AGAP1: variants seen among roughly 807,000 people sequenced by gnomAD.
AGAP1 encodes the protein arf-GAP with GTPase, ANK repeat and PH domain-containing protein 1.
A neutral mutation model predicts 105.3 loss-of-function variants in AGAP1; 29 were observed. That is an observed-to-expected ratio of 0.28 (90% CI 0.21 to 0.38). AGAP1 has a LOEUF of 0.38. Ranked by LOEUF, AGAP1 falls within the 10% of genes least tolerant of loss-of-function variation. The probability of loss-of-function intolerance (pLI) is 1.00; values close to 1 mark genes in which losing one functional copy is unlikely to be tolerated. For synonymous variants in AGAP1, 509 were observed against 485.9 expected (o/e 1.05, Z -0.63); for missense variants, 998 against 1,165.1 (o/e 0.86, Z 2.09).
rs954210067 is a variant in AGAP1, at chr2:236,120,301, G to A, written c.2224G>A (p.Asp742Asn). 1.7e-5 allele frequency: 28 copies of A among 1,612,794 alleles called. No homozygotes were observed. Among genetic ancestry groups the A allele is most frequent in the African/African-American group, 9.3e-5 (7 of 74,898 alleles). The change falls in exon 17 of 18, where the codon GAC becomes AAC. Residue 742 changes from aspartate (D) to asparagine (N), a missense_variant. Asp to Asn is a conservative substitution (Grantham distance 23). Around this residue, in one of 3 missense-constraint regions of AGAP1, gnomAD observed 235 missense variants for 270.7 expected, o/e 0.87. Transcript: ENST00000304032. This position sits in a 1 kb window ranked among gnomAD's most constrained non-coding sequence, Gnocchi z 6.0. ...LGQHLLRATA[D>N]EDLRTAILLL... ...CCAGCACCTGCTGCGGGCCACCGCC[G>A]ACGAGGACCTGCGGACGGCCATCCT... is the stretch of plus-strand genomic sequence containing the variant.
chr2:236,103,805 G>T (rs2059418292), intron 16 of AGAP1, among the ~76,000 whole-genome samples: 1 of 152,080 alleles, frequency 6.6e-6, no homozygotes, highest in African/African-American at 2.4e-5. Flanking sequence ...CTGACCTCGT[G>T]GTCTGCCAAC....
At chr2:235,497,318 G>C (rs1226569286) in intron 1 of AGAP1, among the ~76,000 whole-genome samples, 1 of 152,200 alleles carries the variant, frequency 6.6e-6, no homozygotes, top group Non-Finnish European at 1.5e-5. Context: ...AACTAAGCCT[G>C]CGCTGGAACA....
chr2:235,532,997 A>G (rs1287983112), intron 1 of AGAP1, among the ~76,000 whole-genome samples: 1 of 151,522 alleles, frequency 6.6e-6, no homozygotes, highest in Non-Finnish European at 1.5e-5. Flanking sequence ...GTTTGAAGGG[A>G]AAAAAAAATC....
intron 11 of AGAP1, among the ~76,000 whole-genome samples, chr2:235,915,954 T>C (rs1189748022): frequency 2.0e-5 from 3 of 151,974 alleles, no homozygotes; most frequent in Non-Finnish European, 4.4e-5. Flanking sequence ...AGAAGAGAAA[T>C]CTGACTGTAG....
intron 9 of AGAP1, among the ~76,000 whole-genome samples, chr2:235,856,340 G>T (rs1385169434): frequency 6.6e-6 from 1 of 152,146 alleles, no homozygotes. Flanking sequence ...AATGTGATTC[G>T]CTTGGTGTCA....
At chr2:235,532,408 G>A (rs557326008) in intron 1 of AGAP1, among the ~76,000 whole-genome samples, 1 of 152,150 alleles carries the variant, frequency 6.6e-6, no homozygotes, top group Non-Finnish European at 1.5e-5. Context: ...TAGAGATGGG[G>A]TTTCACCCAG....
chr2:236,016,223 A>G (rs1483895220), intron 13 of AGAP1, among the ~76,000 whole-genome samples: 2 of 152,148 alleles, frequency 1.3e-5, no homozygotes, highest in Non-Finnish European at 2.9e-5. Flanking sequence ...CAAATGAAAG[A>G]GGGAAAAGAA....
intron 9 of AGAP1, among the ~76,000 whole-genome samples, chr2:235,808,005 C>T (rs185074727): frequency 1.3e-5 from 2 of 151,800 alleles, no homozygotes; most frequent in Non-Finnish European, 2.9e-5. Context: ...TTTCATTAGC[C>T]CAGAAACCAG....
At position 235,615,892 on chromosome 2, in the gene AGAP1, A is replaced by G. The variant is rs1946291097; in HGVS notation, c.164-93287A>G. 6.6e-6 allele frequency among the ~76,000 whole-genome samples: 1 copy of G among 152,318 alleles called. No individual in the cohort carries two copies. The highest frequency in any genetic ancestry group is 1.5e-5 in the Non-Finnish European group (1 of 68,040). ...TAGCAAAATTAAAAGACCAACAAAA[A>G]TATGTATTACATATAGAGCATTGTC... On this transcript the variant is annotated intron_variant, in intron 1 of 17. Coordinates refer to ENST00000304032, the MANE Select transcript of AGAP1 (RefSeq NM_001037131.3). This position sits in a 1 kb window ranked among gnomAD's most constrained non-coding sequence, Gnocchi z 5.0.
chr2:235,757,482 G>A (rs1393774168), intron 6 of AGAP1, among the ~76,000 whole-genome samples: 2 of 152,200 alleles, frequency 1.3e-5, no homozygotes, highest in African/African-American at 2.4e-5. Flanking sequence ...GTGGATGGGT[G>A]TTTATCTGGT....
chr2:236,120,372 G>A lies in AGAP1; in HGVS notation c.2295G>A (p.Gly765=), dbSNP rs1270963988. The part of the protein sequence containing the change: ...GSRDEVNETC[G]EGDGRTALHL... ...GGGACGAGGTGAACGAGACCTGCGG[G>A]GAGGGAGACGGCCGCACGGCGCTGC... The change falls in exon 17 of 18, where the codon GGG becomes GGA. Residue 765 remains glycine, a synonymous_variant. Transcript: ENST00000304032. This position sits in a 1 kb window ranked among gnomAD's most constrained non-coding sequence, Gnocchi z 6.0. The A allele has an allele frequency of 6.2e-7, 1 of 1,611,512 alleles. No homozygotes were observed. The highest frequency in any genetic ancestry group is 8.5e-7 in the Non-Finnish European group (1 of 1,179,778).
chr2:235,746,264 A>T lies in AGAP1; in HGVS notation c.538+1425A>T, dbSNP rs1466368857. Among the ~76,000 whole-genome samples, 4 of 150,996 alleles carry T rather than the reference A, an allele frequency of 2.6e-5. No homozygotes were observed. In the East Asian group the frequency reaches 5.9e-4, roughly 22 times the overall value. ...TCGTGCCACTGCACTCCAGCCTGGTAGACAGAGGGAGACTCCATCTCAAGG... is the reference window on the plus strand; with the variant it reads ...TCGTGCCACTGCACTCCAGCCTGGTTGACAGAGGGAGACTCCATCTCAAGG... On this transcript the variant is annotated intron_variant, in intron 5 of 17. Coordinates refer to ENST00000304032, the MANE Select transcript of AGAP1 (RefSeq NM_001037131.3).
Position 235,551,310 on chromosome 2 carries a change from G to A in AGAP1, c.163+56461G>A, listed in dbSNP as rs1304600005. Among the ~76,000 whole-genome samples, 1 of 149,744 alleles carries A rather than the reference G, an allele frequency of 6.7e-6. No individual in the cohort carries two copies. The highest frequency in any genetic ancestry group is 1.5e-5 in the Non-Finnish European group (1 of 67,946). ...AGGGTGAGGAGAGAGGGGCTAGACA[G>A]ATTTTTTTTTTTGAGACAAGGTCTC... On this transcript the variant is annotated intron_variant, in intron 1 of 17. Coordinates refer to ENST00000304032, the MANE Select transcript of AGAP1 (RefSeq NM_001037131.3). This position sits in a 1 kb window ranked among gnomAD's most constrained non-coding sequence, Gnocchi z 4.8.
chr2:235,880,989 G>A (rs570106908), intron 9 of AGAP1, among the ~76,000 whole-genome samples: 1 of 152,242 alleles, frequency 6.6e-6, no homozygotes, highest in Non-Finnish European at 1.5e-5. Context: ...TCCATATTTG[G>A]TGTATAGCGA....
rs185843228 is a variant in AGAP1 at position 235,603,025 on chromosome 2, A to T, written c.164-106154A>T. 2.2e-3 allele frequency among the ~76,000 whole-genome samples: 334 copies of T among 152,210 alleles called. 1 individual carries two copies. Among genetic ancestry groups the T allele is most frequent in the African/African-American group, 7.8e-3 (322 of 41,536 alleles). On this transcript the variant is annotated intron_variant, in intron 1 of 17. Coordinates refer to ENST00000304032, the MANE Select transcript of AGAP1 (RefSeq NM_001037131.3). ...CCCATCGGACACACTTCTTACTGAT[A>T]TGGTTTGGCTGTGTCCCCACCCAAA...
chr2:235,729,003 G>A lies in AGAP1; in HGVS notation c.310+11359G>A, dbSNP rs1483703825. Among the ~76,000 whole-genome samples the A allele has an allele frequency of 6.6e-6, 1 of 151,640 alleles. No individual in the cohort carries two copies. The highest frequency in any genetic ancestry group is 2.4e-5 in the African/African-American group (1 of 40,908). The stretch of plus-strand genomic sequence containing the variant: ...GTGGGTCTTCCATGTCCCAGGGACG[G>A]AGAGAGGAGAAGTGGGGTTGGCCAG... On this transcript the variant is annotated intron_variant, in intron 3 of 17. Coordinates refer to ENST00000304032, the MANE Select transcript of AGAP1 (RefSeq NM_001037131.3). This position sits in a 1 kb window ranked among gnomAD's most constrained non-coding sequence, Gnocchi z 5.0.
rs562049883 is a variant in AGAP1, at chr2:236,101,062, C to T, written c.2115-19130C>T. 9.1e-4 allele frequency among the ~76,000 whole-genome samples: 138 copies of T among 152,222 alleles called. No homozygotes were observed. Among genetic ancestry groups the T allele is most frequent in the Middle Eastern group, 3.4e-3 (1 of 294 alleles). On this transcript the variant is annotated intron_variant, in intron 16 of 17. Transcript: ENST00000304032. This position sits in a 1 kb window ranked among gnomAD's most constrained non-coding sequence, Gnocchi z 4.9. ...CGCAGACCCAGGCCCCTCATTCCAT[C>T]AGTTTCTTTCAGCATGTTTCCATGT... is the stretch of plus-strand genomic sequence containing the variant.
intron 1 of AGAP1, among the ~76,000 whole-genome samples, chr2:235,504,985 A>G (rs1037307715): frequency 4.6e-5 from 7 of 152,148 alleles, no homozygotes; most frequent in Admixed American, 1.3e-4. Context: ...GGACTGGAAC[A>G]GGGGCCCCTT....
At chr2:235,859,485 C>T (rs1333426130) in intron 9 of AGAP1, among the ~76,000 whole-genome samples, 1 of 141,624 alleles carries the variant, frequency 7.1e-6, no homozygotes, top group African/African-American at 2.6e-5. Flanking sequence ...CTGCAGCTTT[C>T]AGATAGGAAC....
Sources: allele counts gnomAD v4.1 joint callset (sites outside exome capture counted in the v4.1 genomes callset), GRCh38; gene constraint gnomAD v4.1.1; regional missense constraint gnomAD v4.1.1; non-coding constraint Gnocchi (gnomAD v3.1); transcripts MANE v1.5; gene names NCBI Gene and HGNC (gene_info 2026-07-23, HGNC 2026-07-21).